The following ADGRA2 variants were observed in gnomAD, a reference collection of about 807,000 sequenced individuals.
ADGRA2 encodes the protein adhesion G protein-coupled receptor A2.
In ADGRA2, 61 loss-of-function variants were observed where a neutral mutation model predicts 98.7. The observed-to-expected ratio is 0.62, with a 90% CI of 0.50 to 0.76. The LOEUF (loss-of-function observed/expected upper bound fraction) is 0.76, where lower values mean the gene tolerates loss of function less well. Ranked by LOEUF, ADGRA2 falls within the 30% of genes least tolerant of loss-of-function variation. The pLI is 0.00. For missense variants in ADGRA2, 1,712 were observed against 1,860.0 expected (o/e 0.92, Z 1.46); for synonymous variants, 858 against 831.5 (o/e 1.03, Z -0.55).
rs1448085031 is a variant in ADGRA2, at chr8:37,835,270, C to CCGG, written c.1706_1708dup (p.Pro569_Gly570insAla). The CCGG allele has an allele frequency of 1.2e-6, 2 of 1,613,684 alleles. No individual in the cohort carries two copies. Among genetic ancestry groups the CCGG allele is most frequent in the Non-Finnish European group, 1.7e-6 (2 of 1,179,932 alleles). On this transcript the variant is annotated inframe_insertion, in exon 12 of 19. Transcript: ENST00000412232. ...CTTCCAGAGGAGGGAGGGAGGGGTGCCGGGCACACGGCCAGGAAGCCCTGG... is the reference window on the plus strand; with the variant it reads ...CTTCCAGAGGAGGGAGGGAGGGGTGCCGGCGGGCACACGGCCAGGAAGCCCTGG...
Position 37,841,502 on chromosome 8 carries a change from G to A in ADGRA2, c.3164G>A (p.Gly1055Glu). Reference protein sequence around the residue: ...LPRVVCSCLYGVAASALGLFV... With the variant: ...LPRVVCSCLYEVAASALGLFV... ...CGGGTGGTGTGCAGCTGCTTGTACGGGGTGGCAGCCTCCGCCCTGGGCCTC... is the reference window on the plus strand; with the variant it reads ...CGGGTGGTGTGCAGCTGCTTGTACGAGGTGGCAGCCTCCGCCCTGGGCCTC... The change falls in exon 19 of 19, where the codon GGG becomes GAG. Residue 1055 changes from glycine to glutamate, a missense_variant. Transcript: ENST00000412232. The surrounding 1 kb of genome is among the most constrained non-coding windows in gnomAD (Gnocchi z 5.0). 6.2e-7 allele frequency: 1 copy of A among 1,612,940 alleles called. No homozygotes were observed. Among genetic ancestry groups the A allele is most frequent in the Non-Finnish European group, 8.5e-7 (1 of 1,179,850 alleles).
chr8:37,829,723 G>A (rs1461175948), intron 5 of ADGRA2, 128 bp from the exon 6 acceptor site: 1 of 1,043,856 alleles, frequency 9.6e-7, no homozygotes, highest in Non-Finnish European at 1.5e-6. Context: ...CCGGGGCAGA[G>A]ATGGTGCACA....
chr8:37,829,360 G>C, intron 4 of ADGRA2, 28 bp downstream of exon 4: 2 of 1,595,054 alleles, frequency 1.3e-6, no homozygotes, highest in Non-Finnish European at 1.7e-6. Context: ...AAGTGGGGAG[G>C]GGAGGAGAGG....
chr8:37,802,004 G>A lies in ADGRA2; in HGVS notation c.266+4470G>A, dbSNP rs183901727. On this transcript the variant is annotated intron_variant, in intron 1 of 18. Transcript: ENST00000412232. The surrounding 1 kb of genome is among the most constrained non-coding windows in gnomAD (Gnocchi z 4.7). ...TGCTCGGCCTCCCATTCAGGGAAGC[G>A]GGGGTGCCCACCACGCAGGCTGCCC... Among the ~76,000 whole-genome samples the A allele has an allele frequency of 8.5e-4, 129 of 152,326 alleles. No individual in the cohort carries two copies. The highest frequency in any genetic ancestry group is 2.8e-3 in the African/African-American group (116 of 41,576).
chr8:37,838,553 G>A lies in ADGRA2; in HGVS notation c.2260-403G>A, dbSNP rs181630376. Among the ~76,000 whole-genome samples, 22 of 152,150 alleles carry A rather than the reference G, an allele frequency of 1.4e-4. No individual in the cohort carries two copies. The East Asian group carries it at 2.9e-3, about 20-fold the overall frequency. ...TAGGCATGAGTCACCGTGCCCAGCC[G>A]AGACTAGATTCTTACAAAGAAGAAA... On this transcript the variant is annotated intron_variant, in intron 14 of 18. Transcript: ENST00000412232.
chr8:37,804,433 C>T (rs553779865), intron 1 of ADGRA2, among the ~76,000 whole-genome samples: 5 of 152,224 alleles, frequency 3.3e-5, no homozygotes, highest in Non-Finnish European at 7.3e-5. Flanking sequence ...AGGGTGTTTT[C>T]TGATGAAAAT....
In ADGRA2 at chr8:37,834,182, C is replaced by T; in HGVS notation, c.1608+54C>T. 1.3e-6 allele frequency: 2 copies of T among 1,498,104 alleles called. No homozygotes were observed. Among genetic ancestry groups the T allele is most frequent in the Non-Finnish European group, 1.8e-6 (2 of 1,102,044 alleles). 92.8% of individuals were successfully genotyped at this position (1,498,104 alleles called of 1,614,324 possible). A position where few individuals can be genotyped will look rare whatever the true frequency, so the allele number is the denominator to read the frequency against. The stretch of plus-strand genomic sequence containing the variant: ...CTGGCATGCAGAGGAGGGAGGCGCT[C>T]CCTCTCAGGCGTGCACCTGCCGTGC... On this transcript the variant is annotated intron_variant, in intron 11 of 18. Coordinates refer to ENST00000412232, the MANE Select transcript of ADGRA2 (RefSeq NM_032777.10). The surrounding 1 kb of genome is among the most constrained non-coding windows in gnomAD (Gnocchi z 4.2).
At position 37,841,617 on chromosome 8, in the gene ADGRA2, T is replaced by A; in HGVS notation, c.3279T>A (p.His1093Gln). The A allele has an allele frequency of 6.5e-7, 1 of 1,545,914 alleles. No individual in the cohort carries two copies. Among genetic ancestry groups the A allele is most frequent in the Non-Finnish European group, 8.7e-7 (1 of 1,145,542 alleles). ...CCCCTGCCTCTCCCGCGGCCCCCCA[T>A]GCCCCGCCCCGGGCCCTGCCCGCCG... ...CCPPASPAAP[H>Q]APPRALPAAA... The change falls in exon 19 of 19, where the codon CAT becomes CAA. Residue 1093 changes from histidine (H) to glutamine (Q), a missense_variant. Transcript: ENST00000412232. This position sits in a 1 kb window ranked among gnomAD's most constrained non-coding sequence, Gnocchi z 5.0.
Position 37,840,764 on chromosome 8 carries a change from T to C in ADGRA2, c.2662T>C (p.Tyr888His), listed in dbSNP as rs749200916. 1 of 1,577,910 alleles carries C rather than the reference T, an allele frequency of 6.3e-7. No homozygotes were observed. Among genetic ancestry groups the C allele is most frequent in the Non-Finnish European group, 8.7e-7 (1 of 1,147,598 alleles). The change falls in exon 18 of 19, where the codon TAT (tyrosine) becomes CAT (histidine). Residue 888 changes from tyrosine (Y) to histidine (H), a missense_variant. Transcript: ENST00000412232. Reference protein sequence around the residue: ...LPTPSPMLRFYLIAGGIPLII... With the variant: ...LPTPSPMLRFHLIAGGIPLII... ...CCAATCCCTCATTCCCTCCAGGTTCTATTTGATCGCTGGAGGGATTCCACT... is the reference window on the plus strand; with the variant it reads ...CCAATCCCTCATTCCCTCCAGGTTCCATTTGATCGCTGGAGGGATTCCACT...
chr8:37,821,745 G>A (rs917548187), intron 2 of ADGRA2, among the ~76,000 whole-genome samples: 1 of 152,214 alleles, frequency 6.6e-6, no homozygotes, highest in Non-Finnish European at 1.5e-5. Context: ...GGTCAGCCCC[G>A]GGATGATTTG....
At chr8:37,823,980 T>G (rs1351271711) in intron 2 of ADGRA2, among the ~76,000 whole-genome samples, 4 of 152,092 alleles carry the variant, frequency 2.6e-5, no homozygotes, top group Admixed American at 6.6e-5. Flanking sequence ...TTTGCAAATA[T>G]TTTCTCTCAT....
chr8:37,829,391 A>T, intron 4 of ADGRA2, 59 bp downstream of exon 4: 5 of 1,555,156 alleles, frequency 3.2e-6, no homozygotes, highest in Non-Finnish European at 4.4e-6. Flanking sequence ...ATAGGAAGCA[A>T]AATGTGGCCC....
intron 1 of ADGRA2, among the ~76,000 whole-genome samples, chr8:37,812,416 A>G (rs901835414): frequency 6.6e-6 from 1 of 152,130 alleles, no homozygotes; most frequent in East Asian, 2.0e-4. Flanking sequence ...TCACGAAGTC[A>G]GGAGATCGAG....
rs140546893 is a variant in ADGRA2, at chr8:37,844,790, C to G, written c.*2435C>G. On this transcript the variant is annotated 3_prime_UTR_variant, in exon 19 of 19. Transcript: ENST00000412232. Reference sequence around the variant, plus strand: ...ACCCCGGTGGCTCCTTCTCTCGGGTCTCCACTTCTGCTGTCCCATCCCGAA... The same window carrying G: ...ACCCCGGTGGCTCCTTCTCTCGGGTGTCCACTTCTGCTGTCCCATCCCGAA... 1.7e-4 allele frequency: 282 copies of G among 1,614,074 alleles called. 2 individuals are homozygous for G. In the African/African-American group the frequency reaches 2.9e-3, roughly 17 times the overall value.
At chr8:37,831,609 A>G in intron 8 of ADGRA2, 22 bp downstream of exon 8, 1 of 1,610,750 alleles carries the variant, frequency 6.2e-7, no homozygotes, top group Non-Finnish European at 8.5e-7. Context: ...TCCACCCTGT[A>G]GAGGGCTGCC....
chr8:37,800,661 G>A (rs1339267879), intron 1 of ADGRA2, among the ~76,000 whole-genome samples: 2 of 152,106 alleles, frequency 1.3e-5, no homozygotes, highest in Admixed American at 1.3e-4. Context: ...CAAAGTGCCT[G>A]GTCTTTGAGG....
In ADGRA2 at chr8:37,797,302, C is replaced by G; in HGVS notation, c.34C>G (p.Pro12Ala). 6.9e-6 allele frequency: 9 copies of G among 1,313,116 alleles called. No individual in the cohort carries two copies. Among genetic ancestry groups the G allele is most frequent in the Non-Finnish European group, 8.7e-6 (9 of 1,038,596 alleles). 81.3% of individuals were successfully genotyped at this position (1,313,116 alleles called of 1,614,324 possible). A position where few individuals can be genotyped will look rare whatever the true frequency, so the allele number is the denominator to read the frequency against. Residue 12 changes from proline to alanine, a missense_variant, in exon 1 of 19, where the codon CCC becomes GCC. Coordinates refer to ENST00000412232, the MANE Select transcript of ADGRA2 (RefSeq NM_032777.10). The surrounding 1 kb of genome is among the most constrained non-coding windows in gnomAD (Gnocchi z 5.3). ...GAGGRRMRGA[P>A]ARLLLPLLPW... ...CGGGGGACGCAGGATGCGGGGGGCGCCCGCGCGCCTGCTGCTGCCGCTGCT... is the reference window on the plus strand; with the variant it reads ...CGGGGGACGCAGGATGCGGGGGGCGGCCGCGCGCCTGCTGCTGCCGCTGCT...
chr8:37,803,949 G>C (rs1244511619), intron 1 of ADGRA2, among the ~76,000 whole-genome samples: 14 of 152,078 alleles, frequency 9.2e-5, no homozygotes, highest in Admixed American at 5.2e-4. Context: ...CCCCTGCCAG[G>C]GCTCCTAGCC....
chr8:37,841,638 C>T lies in ADGRA2; in HGVS notation c.3300C>T (p.Pro1100=), dbSNP rs1445283550. The T allele has an allele frequency of 2.6e-6, 4 of 1,525,744 alleles. No individual in the cohort carries two copies. Among genetic ancestry groups the T allele is most frequent in the African/African-American group, 2.7e-5 (2 of 73,010 alleles). 94.5% of individuals were successfully genotyped at this position (1,525,744 alleles called of 1,614,324 possible). A position where few individuals can be genotyped will look rare whatever the true frequency, so the allele number is the denominator to read the frequency against. The change falls in exon 19 of 19, where the codon CCC becomes CCT. Residue 1100 remains proline, a synonymous_variant. Transcript: ENST00000412232. This position sits in a 1 kb window ranked among gnomAD's most constrained non-coding sequence, Gnocchi z 5.0. ...AAPHAPPRAL[P]AAAEDGSPVF... is the part of the protein sequence containing the mutation. ...CCCATGCCCCGCCCCGGGCCCTGCC[C>T]GCCGCCGCAGAGGACGGTTCCCCGG...
Sources: gnomAD v4.1 joint callset for allele counts (sites outside exome capture counted in the v4.1 genomes callset) on GRCh38, gnomAD v4.1.1 for gene constraint, Gnocchi (gnomAD v3.1) non-coding constraint, MANE v1.5 for transcripts, NCBI Gene and HGNC (gene_info 2026-07-23, HGNC 2026-07-21) for gene names.